Variants in BAZ1A observed in about 807,000 individuals in gnomAD.
BAZ1A encodes the protein bromodomain adjacent to zinc finger domain protein 1A.
Under a neutral mutation model 185.2 loss-of-function variants are expected in BAZ1A, and 50 were observed. The observed-to-expected ratio is 0.27, with a 90% CI of 0.22 to 0.34. The LOEUF (loss-of-function observed/expected upper bound fraction) is 0.34, where lower values mean the gene tolerates loss of function less well. BAZ1A is among the 10% of genes least tolerant of loss of function. The pLI is 1.00. For missense variants in BAZ1A, 1,356 were observed against 1,839.9 expected (o/e 0.74, Z 4.81); for synonymous variants, 571 against 615.6 (o/e 0.93, Z 1.07).
chr14:34,782,325 G>A (rs1199252239), intron 16 of BAZ1A, among the ~76,000 whole-genome samples: 4 of 152,142 alleles, frequency 2.6e-5, no homozygotes, highest in South Asian at 2.1e-4. Context: ...GATTAATGAC[G>A]TTGAGCATCT....
intron 15 of BAZ1A, 70 bp from the exon 16 acceptor site, chr14:34,783,302 T>C (rs1594833610): frequency 1.1e-6 from 1 of 913,054 alleles, no homozygotes; most frequent in Non-Finnish European, 1.7e-6. Flanking sequence ...CATCTTGTCT[T>C]TAATCAAATC....
intron 2 of BAZ1A, among the ~76,000 whole-genome samples, chr14:34,873,606 A>G (rs1283343701): frequency 6.6e-6 from 1 of 152,100 alleles, no homozygotes; most frequent in African/African-American, 2.4e-5. Flanking sequence ...CTGGAGTTGA[A>G]CTTGTCTTAA....
At chr14:34,760,622 G>C (rs1886482381) in intron 24 of BAZ1A, among the ~76,000 whole-genome samples, 1 of 151,762 alleles carries the variant, frequency 6.6e-6, no homozygotes, top group Non-Finnish European at 1.5e-5. Context: ...GCCAAGGCAA[G>C]GCAGGCAGAT....
intron 3 of BAZ1A, among the ~76,000 whole-genome samples, chr14:34,843,972 G>C (rs905068636): frequency 6.6e-6 from 1 of 151,920 alleles, no homozygotes; most frequent in South Asian, 2.1e-4. Context: ...TTGGGAGGCC[G>C]AGGCGGGCGG....
intron 6 of BAZ1A, among the ~76,000 whole-genome samples, chr14:34,805,371 C>T (rs995093049): frequency 6.6e-6 from 1 of 152,180 alleles, no homozygotes; most frequent in South Asian, 2.1e-4. Flanking sequence ...TTTCCATGTT[C>T]ATTGACTTTT....
intron 12 of BAZ1A, among the ~76,000 whole-genome samples, chr14:34,792,471 C>T (rs968341083): frequency 1.2e-4 from 19 of 152,154 alleles, no homozygotes; most frequent in Non-Finnish European, 2.4e-4. Flanking sequence ...TTAGCAGAAT[C>T]TCTTGGAATT....
intron 25 of BAZ1A, among the ~76,000 whole-genome samples, chr14:34,757,870 C>T (rs948129525): frequency 1.3e-5 from 2 of 150,570 alleles, no homozygotes; most frequent in East Asian, 2.0e-4. Context: ...CCTCAGCCTC[C>T]CAAGTAGCGG....
intron 3 of BAZ1A, among the ~76,000 whole-genome samples, chr14:34,833,856 T>C (rs950351281): frequency 6.6e-6 from 1 of 152,100 alleles, no homozygotes; most frequent in African/African-American, 2.4e-5. Flanking sequence ...ACAAAAATAG[T>C]AAAAATTTTA....
At chr14:34,849,675 C>T (rs2042567439) in intron 3 of BAZ1A, among the ~76,000 whole-genome samples, 1 of 152,158 alleles carries the variant, frequency 6.6e-6, no homozygotes, top group Non-Finnish European at 1.5e-5. Flanking sequence ...ACAGGAAAAG[C>T]TCAATAAATG....
At chr14:34,805,119 G>C (rs1881786169) in intron 6 of BAZ1A, among the ~76,000 whole-genome samples, 1 of 152,164 alleles carries the variant, frequency 6.6e-6, no homozygotes. Context: ...AGATGTGCTT[G>C]CTTTCCGCCA....
rs139754434 is a variant in BAZ1A, at chr14:34,789,365, T to C, written c.1511-3144A>G. ...TTTTTAATTGTGTTAAATAAAGTAATATGCTAAAATATATTCTTTAACTCT... is the reference window on the plus strand; with the variant it reads ...TTTTTAATTGTGTTAAATAAAGTAACATGCTAAAATATATTCTTTAACTCT... On this transcript the variant is annotated intron_variant, in intron 12 of 26. Transcript: ENST00000360310. 5.5e-3 allele frequency among the ~76,000 whole-genome samples: 841 copies of C among 152,334 alleles called. 14 individuals carry two copies. Among genetic ancestry groups the C allele is most frequent in the Middle Eastern group, 0.037 (11 of 294 alleles).
intron 3 of BAZ1A, among the ~76,000 whole-genome samples, chr14:34,860,294 G>A (rs2042746914): frequency 6.6e-6 from 1 of 151,910 alleles, no homozygotes; most frequent in African/African-American, 2.4e-5. Context: ...GATTACTTGA[G>A]TTCATGAGTT....
chr14:34,764,227 TTATAATA>T (rs1474957612), intron 23 of BAZ1A, among the ~76,000 whole-genome samples: 4 of 152,064 alleles, frequency 2.6e-5, no homozygotes, highest in African/African-American at 7.2e-5. Context: ...TTTTGAATGT[TTATAATA>T]TATAAAAAGC....
In BAZ1A at chr14:34,764,936, G is replaced by GA. The variant is rs755562203; in HGVS notation, c.3550-4dup. On this transcript the variant is annotated splice_polypyrimidine_tract_variant and splice_region_variant and intron_variant, in intron 22 of 26. Coordinates refer to ENST00000360310, the MANE Select transcript of BAZ1A (RefSeq NM_013448.3). ...AACCAGTCTCCTTCAGGCACAGTCTGAAAAAATCACATAAATGATCATTAA... is the reference window on the plus strand; with the variant it reads ...AACCAGTCTCCTTCAGGCACAGTCTGAAAAAAATCACATAAATGATCATTAA... The GA allele has an allele frequency of 4.6e-5, 74 of 1,613,694 alleles. 2 individuals carry two copies. Among genetic ancestry groups the GA allele is most frequent in the African/African-American group, 3.6e-4 (27 of 74,952 alleles).
chr14:34,858,676 AAAAT>A (rs1397804455), intron 3 of BAZ1A, among the ~76,000 whole-genome samples: 3 of 152,024 alleles, frequency 2.0e-5, no homozygotes, highest in African/African-American at 4.8e-5. Flanking sequence ...GGGGAGGCAA[AAAAT>A]AAATAAATTT....
intron 3 of BAZ1A, among the ~76,000 whole-genome samples, chr14:34,843,609 T>C (rs2042452369): frequency 6.6e-6 from 1 of 152,200 alleles, no homozygotes; most frequent in African/African-American, 2.4e-5. Context: ...TTTACTGATT[T>C]AGGCCACTAA....
intron 25 of BAZ1A, among the ~76,000 whole-genome samples, chr14:34,756,843 G>A (rs1265474628): frequency 6.6e-6 from 1 of 152,118 alleles, no homozygotes; most frequent in Non-Finnish European, 1.5e-5. Flanking sequence ...GGACTTGTCA[G>A]AAATCCAAGA....
At chr14:34,872,927 A>AAG (rs2042972936) in intron 2 of BAZ1A, among the ~76,000 whole-genome samples, 1 of 144,670 alleles carries the variant, frequency 6.9e-6, no homozygotes, top group Non-Finnish European at 1.6e-5. Context: ...AAAAAAAAAA[A>AAG]AAAAAAAAAA....
chr14:34,829,302 G>A (rs12432749), intron 3 of BAZ1A, among the ~76,000 whole-genome samples: 82,917 of 144,608 alleles, frequency 0.57, 24,200 homozygotes, highest in South Asian at 0.68. Context: ...GCCAGGCATG[G>A]TGGTGCTGCT....
Sources: gnomAD v4.1 joint callset for allele counts (sites outside exome capture counted in the v4.1 genomes callset) on GRCh38, gnomAD v4.1.1 for gene constraint, MANE v1.5 for transcripts, NCBI Gene and HGNC (gene_info 2026-07-23, HGNC 2026-07-21) for gene names.